Variants in EVL observed in about 807,000 individuals in gnomAD.
The protein encoded by EVL is Enah/Vasp-like.
In EVL, 21 loss-of-function variants were observed where a neutral mutation model predicts 59.6. The ratio of observed to expected loss-of-function variants is 0.35; its 90% CI spans 0.25 to 0.51. The LOEUF is 0.51. Ranked by LOEUF, EVL falls within the 20% of genes least tolerant of loss-of-function variation. The pLI is 0.97. For synonymous variants in EVL, 198 were observed against 203.5 expected (o/e 0.97, Z 0.23); for missense variants, 462 against 546.6 (o/e 0.85, Z 1.54).
chr14:100,137,609 C>G lies in EVL; in HGVS notation c.996C>G (p.Asn332Lys). Residue 332 changes from asparagine to lysine, a missense_variant, in exon 10 of 14, where the codon AAC becomes AAG. Transcript: ENST00000392920. ...GCCGGAAGCCCTGGGAGCGGAGCAA[C>G]TCGGTGGAGAAGCCTGTGTCCTCGA... ...EAGRKPWERS[N>K]SVEKPVSSIL... 6.2e-7 allele frequency: 1 copy of G among 1,614,066 alleles called. No homozygotes were observed. The highest frequency in any genetic ancestry group is 8.5e-7 in the Non-Finnish European group (1 of 1,180,030).
intron 1 of EVL, among the ~76,000 whole-genome samples, chr14:100,067,573 C>T (rs866600373): frequency 2.0e-5 from 3 of 152,204 alleles, no homozygotes; most frequent in Non-Finnish European, 2.9e-5. Flanking sequence ...CCTCCTGCCT[C>T]AGCGGGACTA....
At chr14:100,062,673 C>T (rs2061858522), upstream of EVL, among the ~76,000 whole-genome samples, 1 of 152,150 alleles carries the variant, frequency 6.6e-6, no homozygotes, top group South Asian at 2.1e-4. Context: ...AAATGCAAGA[C>T]TCAGTCATAC....
At chr14:100,021,107 G>A (rs541321123) in intron 1 of EVL, among the ~76,000 whole-genome samples, 102 of 152,302 alleles carry the variant, frequency 6.7e-4, no homozygotes, top group African/African-American at 2.3e-3. Flanking sequence ...AGAAAGTAGC[G>A]CAATTGCGTA....
At chr14:100,019,827 C>A in intron 1 of EVL, 2 of 822,344 alleles carry the variant, frequency 2.4e-6, no homozygotes, top group Non-Finnish European at 3.7e-6. Flanking sequence ...GGGTTTATCC[C>A]AGTCATGGGG....
At chr14:99,997,560 A>G (rs2060921920) in intron 1 of EVL, among the ~76,000 whole-genome samples, 1 of 152,236 alleles carries the variant, frequency 6.6e-6, no homozygotes, top group Non-Finnish European at 1.5e-5. Flanking sequence ...CCGTGGGAGT[A>G]GAGTTGTTGT....
At chr14:100,116,430 G>A (rs956439675) in intron 3 of EVL, among the ~76,000 whole-genome samples, 1 of 152,180 alleles carries the variant, frequency 6.6e-6, no homozygotes, top group African/African-American at 2.4e-5. Context: ...GAGCCCCAGG[G>A]AGACTTCCCA....
intron 1 of EVL, among the ~76,000 whole-genome samples, chr14:100,070,535 ATC>A (rs1177367832): frequency 1.3e-5 from 2 of 152,226 alleles, no homozygotes. Context: ...CTGCGTGCGT[ATC>A]TCTTGTCGAT....
chr14:100,090,824 G>C (rs1422947861), intron 2 of EVL, among the ~76,000 whole-genome samples: 1 of 152,074 alleles, frequency 6.6e-6, no homozygotes, highest in Non-Finnish European at 1.5e-5. Flanking sequence ...CATAGCTGAC[G>C]TCATAGTATC....
Position 100,107,217 on chromosome 14 carries a change from G to A in EVL, c.358+9559G>A, listed in dbSNP as rs78017534. On this transcript the variant is annotated intron_variant, in intron 3 of 13. Coordinates refer to ENST00000392920, the MANE Select transcript of EVL (RefSeq NM_016337.3). The stretch of plus-strand genomic sequence containing the variant: ...CCTCTCAGAACTTACTAGAGTCATC[G>A]TGTCATCGTCTCCCATTACTCCAGG... 1,350 of 398,686 alleles carry A rather than the reference G, an allele frequency of 3.4e-3. 17 individuals carry two copies. The highest frequency in any genetic ancestry group is 0.026 in the African/African-American group (1,244 of 48,738). 24.7% of individuals were successfully genotyped at this position (398,686 alleles called of 1,614,324 possible).
intron 1 of EVL, among the ~76,000 whole-genome samples, chr14:100,040,368 G>A (rs909289809): frequency 1.3e-5 from 2 of 151,978 alleles, no homozygotes; most frequent in Non-Finnish European, 2.9e-5. Flanking sequence ...TTAGCCTCCC[G>A]TCTAGTCTAC....
intron 13 of EVL, among the ~76,000 whole-genome samples, chr14:100,142,480 A>G (rs1232895862): frequency 6.6e-6 from 1 of 152,258 alleles, no homozygotes; most frequent in Non-Finnish European, 1.5e-5. Flanking sequence ...CAGCACAGCC[A>G]GTGCCAGCTC....
chr14:100,079,880 C>G (rs1387863781), intron 1 of EVL, among the ~76,000 whole-genome samples: 2 of 152,052 alleles, frequency 1.3e-5, no homozygotes, highest in Admixed American at 6.5e-5. Flanking sequence ...TCACGGAGGG[C>G]CGTGCTGCAA....
At position 100,109,625 on chromosome 14, in the gene EVL, T is replaced by C. The variant is rs367600842; in HGVS notation, c.358+11967T>C. ...TCTCTGCAGACTAAGATGGAGTTCCTGAACCAAGACCGCTTGCTGGCCAAC... is the reference window on the plus strand; with the variant it reads ...TCTCTGCAGACTAAGATGGAGTTCCCGAACCAAGACCGCTTGCTGGCCAAC... On this transcript the variant is annotated intron_variant, in intron 3 of 13. Transcript: ENST00000392920. This position sits in a 1 kb window ranked among gnomAD's most constrained non-coding sequence, Gnocchi z 4.3. 171 of 518,800 alleles carry C rather than the reference T, an allele frequency of 3.3e-4. 1 individual carries two copies. The highest frequency in any genetic ancestry group is 2.6e-4 in the South Asian group (18 of 68,714). 32.1% of individuals were successfully genotyped at this position (518,800 alleles called of 1,614,324 possible). A position where few individuals can be genotyped will look rare whatever the true frequency, so the allele number is the denominator to read the frequency against.
At chr14:100,141,573 C>T (rs554574977) in intron 12 of EVL, among the ~76,000 whole-genome samples, 163 bp from the exon 13 acceptor site, 1 of 152,332 alleles carries the variant, frequency 6.6e-6, no homozygotes, top group South Asian at 2.1e-4. Flanking sequence ...CCTCCCATGC[C>T]GTCCCCCCTC....
intron 1 of EVL, among the ~76,000 whole-genome samples, chr14:100,013,720 T>C (rs1403159498): frequency 1.3e-5 from 2 of 152,184 alleles, no homozygotes; most frequent in African/African-American, 2.4e-5. Flanking sequence ...GGAGGTGATA[T>C]GGTTAGGGTG....
At chr14:100,054,598 C>A (rs1489256128) in intron 1 of EVL, among the ~76,000 whole-genome samples, 1 of 152,110 alleles carries the variant, frequency 6.6e-6, no homozygotes. Flanking sequence ...ACCTCCTAGG[C>A]CCCAAAGCCT....
In EVL at chr14:100,128,682, C is replaced by T. The variant is rs139055077; in HGVS notation, c.651C>T (p.His217=). Residue 217 remains histidine (H), a synonymous_variant, in exon 6 of 14, where the codon CAC becomes CAT. Transcript: ENST00000392920. ...LPAGGAQGSS[H]DESSMSGLAA... is the part of the protein sequence containing the mutation. ...CCGGAGGAGCCCAGGGGTCCAGCCA[C>T]GACGAGAGCTCCATGTCAGGACTGG... 2.1e-5 allele frequency: 34 copies of T among 1,606,200 alleles called. No individual in the cohort carries two copies. Among genetic ancestry groups the T allele is most frequent in the Admixed American group, 8.4e-5 (5 of 59,520 alleles).
intron 1 of EVL, among the ~76,000 whole-genome samples, chr14:100,005,053 C>T (rs890188477): frequency 2.0e-5 from 3 of 152,160 alleles, no homozygotes; most frequent in African/African-American, 7.2e-5. Flanking sequence ...CTACAACAGT[C>T]ATCATTTAAA....
intron 1 of EVL, among the ~76,000 whole-genome samples, chr14:99,986,553 CAG>C (rs1215153628): frequency 1.3e-5 from 2 of 152,196 alleles, no homozygotes; most frequent in African/African-American, 4.8e-5. Context: ...TGATATGCTT[CAG>C]AGTGTCCAAG....
Sources: allele counts gnomAD v4.1 joint callset (sites outside exome capture counted in the v4.1 genomes callset), GRCh38; gene constraint gnomAD v4.1.1; non-coding constraint Gnocchi (gnomAD v3.1); transcripts MANE v1.5; gene names NCBI Gene and HGNC (gene_info 2026-07-23, HGNC 2026-07-21).